Variants in TGM5 observed in about 807,000 individuals in gnomAD.
The protein encoded by TGM5 is transglutaminase 5.
Under a neutral mutation model 77.2 loss-of-function variants are expected in TGM5, and 69 were observed. That is an observed-to-expected ratio of 0.89 (90% CI 0.74 to 1.09). The LOEUF (loss-of-function observed/expected upper bound fraction) is 1.09, where lower values mean the gene tolerates loss of function less well. Ranked by LOEUF, TGM5 falls within the 50% of genes least tolerant of loss-of-function variation. TGM5 has a pLI of 0.00. For synonymous variants in TGM5, 346 were observed against 351.8 expected (o/e 0.98, Z 0.18); for missense variants, 842 against 896.5 (o/e 0.94, Z 0.78).
At chr15:43,255,750 C>T (rs1369984173) in intron 4 of TGM5, among the ~76,000 whole-genome samples, 1 of 152,160 alleles carries the variant, frequency 6.6e-6, no homozygotes, top group African/African-American at 2.4e-5. Context: ...ATCAAGAGCC[C>T]TCTTCCTTGC....
intron 6 of TGM5, among the ~76,000 whole-genome samples, chr15:43,252,315 AT>A (rs1296268265): frequency 6.6e-6 from 1 of 151,908 alleles, no homozygotes; most frequent in African/African-American, 2.4e-5. Flanking sequence ...GAGACACTTT[AT>A]TTTTTTATTT....
Position 43,256,681 on chromosome 15 carries a change from C to T in TGM5, c.442G>A (p.Ala148Thr). Residue 148 changes from alanine to threonine, a missense_variant, in exon 4 of 13, where the codon GCT becomes ACT. Physicochemically the swap from Ala to Thr is moderately conservative, Grantham distance 58. Transcript: ENST00000220420. The part of the protein sequence containing the change: ...LLFNPWCPED[A>T]VYLDSEPQRQ... ...TGGGGTTCACTGTCCAAGTAGACAG[C>T]ATCCTCTAGGAACCAGAGTGGGAGG... The T allele has an allele frequency of 1.9e-6, 3 of 1,611,036 alleles. No individual in the cohort carries two copies. The highest frequency in any genetic ancestry group is 2.5e-6 in the Non-Finnish European group (3 of 1,177,256).
intron 4 of TGM5, among the ~76,000 whole-genome samples, chr15:43,254,134 T>A (rs2142375115): frequency 1.3e-5 from 2 of 152,306 alleles, no homozygotes; most frequent in East Asian, 3.9e-4. Flanking sequence ...TATGAAAATT[T>A]CCCACCCAAG....
rs964545806 is a variant in TGM5, at chr15:43,235,837, C to T, written c.1346G>A (p.Gly449Glu). The change falls in exon 10 of 13, where the codon GGA (glycine) becomes GAA (glutamate). Residue 449 changes from glycine (G) to glutamate (E), a missense_variant and splice_region_variant. By Grantham distance (98) the Gly-to-Glu change is moderately conservative (BLOSUM62 -2). Around this residue, in one of 2 missense-constraint regions of TGM5, gnomAD observed 815 missense variants for 844.6 expected, o/e 0.96. Transcript: ENST00000220420. ...DITENYKYEE[G>E]SLQERQVFLK... ...AAACACCTGCCTCTCCTGGAGGGATCCTGAAGTTGGGGAGAGCACAGCACC... is the reference window on the plus strand; with the variant it reads ...AAACACCTGCCTCTCCTGGAGGGATTCTGAAGTTGGGGAGAGCACAGCACC... 5.0e-6 allele frequency: 8 copies of T among 1,613,626 alleles called. No homozygotes were observed. In the African/African-American group the frequency reaches 9.3e-5, roughly 19 times the overall value.
intron 6 of TGM5, among the ~76,000 whole-genome samples, chr15:43,250,621 G>A (rs1191603506): frequency 6.6e-6 from 1 of 152,222 alleles, no homozygotes; most frequent in Non-Finnish European, 1.5e-5. Context: ...AGGTTAAGGA[G>A]TTTGACTAAA....
chr15:43,242,519 G>T (rs1254130459), intron 6 of TGM5, among the ~76,000 whole-genome samples: 1 of 152,130 alleles, frequency 6.6e-6, no homozygotes, highest in East Asian at 1.9e-4. Context: ...ATTTCTAAGG[G>T]TTCTTCACAC....
chr15:43,253,875 T>C (rs1269500598), intron 4 of TGM5, among the ~76,000 whole-genome samples: 1 of 152,174 alleles, frequency 6.6e-6, no homozygotes, highest in Non-Finnish European at 1.5e-5. Context: ...GAGATGACTA[T>C]TGCTACTCCT....
At chr15:43,265,752 CT>C (rs1177391715) in intron 1 of TGM5, among the ~76,000 whole-genome samples, 31 of 152,298 alleles carry the variant, frequency 2.0e-4, no homozygotes, top group African/African-American at 7.2e-4. Context: ...AAGTATGTTC[CT>C]TGCAATATTG....
Position 43,260,173 on chromosome 15 carries a change from G to T in TGM5, c.315C>A (p.Cys105Ter). 6.2e-7 allele frequency: 1 copy of T among 1,614,092 alleles called. No individual in the cohort carries two copies. The highest frequency in any genetic ancestry group is 8.5e-7 in the Non-Finnish European group (1 of 1,180,034). The change falls in exon 3 of 13, where the codon TGC becomes TGA. Residue 105 changes from cysteine to a stop codon, truncating the protein, a stop_gained. Transcript: ENST00000220420. LOFTEE classifies it high-confidence loss of function. ...GACCCACGGCCGCCGTGGGAGGAGC[G>T]CACAAGCTCACCTCTGTGGAGGTGG... ...NGATSTEVSL[C>*]APPTAAVGRY...
At chr15:43,251,439 C>T (rs563815082) in intron 6 of TGM5, among the ~76,000 whole-genome samples, 14 of 152,176 alleles carry the variant, frequency 9.2e-5, no homozygotes, top group East Asian at 3.9e-4. Flanking sequence ...TATATGCACA[C>T]GAAATGCAAC....
At chr15:43,262,777 T>TTAATAG (rs2042799231) in intron 1 of TGM5, among the ~76,000 whole-genome samples, 1 of 152,194 alleles carries the variant, frequency 6.6e-6, no homozygotes, top group Admixed American at 6.5e-5. Context: ...AATACCATAC[T>TTAATAG]TAATAGTAAA....
intron 1 of TGM5, 101 bp from the exon 2 acceptor site, chr15:43,260,680 G>A (rs972447305): frequency 5.4e-6 from 7 of 1,287,390 alleles, no homozygotes; most frequent in Non-Finnish European, 7.9e-6. Context: ...AACTTAGCTT[G>A]AGCCTCAGTT....
chr15:43,265,611 T>C (rs1363871863), intron 1 of TGM5, among the ~76,000 whole-genome samples: 2 of 152,210 alleles, frequency 1.3e-5, no homozygotes, highest in East Asian at 1.9e-4. Flanking sequence ...TTTGTTTTCC[T>C]TGAGGTGAGA....
intron 1 of TGM5, among the ~76,000 whole-genome samples, chr15:43,263,878 C>G (rs541815940): frequency 6.6e-6 from 1 of 152,096 alleles, no homozygotes; most frequent in African/African-American, 2.4e-5. Context: ...AAGAGAAAAG[C>G]CATAGAATGT....
chr15:43,253,326 C>G (rs969934622), intron 5 of TGM5, among the ~76,000 whole-genome samples, 180 bp downstream of exon 5: 1 of 152,208 alleles, frequency 6.6e-6, no homozygotes, highest in Non-Finnish European at 1.5e-5. Flanking sequence ...AGGTGATGAC[C>G]CACACCCAGC....
At chr15:43,238,036 C>G (rs1164740115) in intron 9 of TGM5, among the ~76,000 whole-genome samples, 1 of 152,196 alleles carries the variant, frequency 6.6e-6, no homozygotes, top group Non-Finnish European at 1.5e-5. Flanking sequence ...AATCCCCTTC[C>G]CAGGTGGGGA....
chr15:43,264,260 G>A (rs1448273219), intron 1 of TGM5, among the ~76,000 whole-genome samples: 1 of 152,122 alleles, frequency 6.6e-6, no homozygotes, highest in Non-Finnish European at 1.5e-5. Flanking sequence ...AGTTACCATA[G>A]GACCTAACAA....
chr15:43,263,129 A>T (rs943648377), intron 1 of TGM5, among the ~76,000 whole-genome samples: 1 of 152,250 alleles, frequency 6.6e-6, no homozygotes, highest in African/African-American at 2.4e-5. Flanking sequence ...TTATAACAGC[A>T]TCAAAAAGAA....
intron 10 of TGM5, 40 bp downstream of exon 10, chr15:43,235,429 C>A: frequency 6.2e-7 from 1 of 1,613,786 alleles, no homozygotes; most frequent in South Asian, 1.1e-5. Flanking sequence ...CTGACATTGC[C>A]AAAACCAACT....
Sources: gnomAD v4.1 joint callset for allele counts (sites outside exome capture counted in the v4.1 genomes callset) on GRCh38, gnomAD v4.1.1 for gene constraint, gnomAD v4.1.1 regional missense constraint, MANE v1.5 for transcripts, NCBI Gene and HGNC (gene_info 2026-07-23, HGNC 2026-07-21) for gene names.